The following MACROH2A1 variants were observed in gnomAD, a reference collection of about 807,000 sequenced individuals.
The protein encoded by MACROH2A1 is macroH2A.1 histone.
In MACROH2A1, 2 loss-of-function variants were observed where a neutral mutation model predicts 31.6. The ratio of observed to expected loss-of-function variants is 0.06; its 90% CI spans 0.03 to 0.20. The LOEUF is 0.20. Ranked by LOEUF, MACROH2A1 falls within the 10% of genes least tolerant of loss-of-function variation. The pLI, the probability that MACROH2A1 is intolerant of heterozygous loss-of-function variation, is 1.00. For synonymous variants in MACROH2A1, 169 were observed against 189.6 expected (o/e 0.89, Z 0.89); for missense variants, 230 against 474.0 (o/e 0.49, Z 4.78).
At chr5:135,353,091 G>C in intron 5 of MACROH2A1, 46 bp from the exon 6 acceptor site, 1 of 1,238,262 alleles carries the variant, frequency 8.1e-7, no homozygotes. Context: ...GAGCTGGGAA[G>C]TCTCAGAGAA....
chr5:135,360,710 A>C (rs1374120442), intron 4 of MACROH2A1, 103 bp from the exon 5 acceptor site: 2 of 808,236 alleles, frequency 2.5e-6, no homozygotes, highest in Admixed American at 3.8e-5. Flanking sequence ...GGGAAACAGG[A>C]AACTAAACCA....
rs370187734 is a variant in MACROH2A1, at chr5:135,388,956, G to A, written c.138C>T (p.Pro46=). Residue 46 remains proline, a synonymous_variant, in exon 2 of 9, where the codon CCC becomes CCT. Coordinates refer to ENST00000511689, the MANE Select transcript of MACROH2A1 (RefSeq NM_138610.3). ...HPKYRIGVGA[P]VYMAAVLEYL... is the part of the protein sequence containing the mutation. ...ATTCCAGGACGGCGGCCATGTACAC[G>A]GGTGCCCCCACTCCAATCCTGTACT... The A allele has an allele frequency of 3.2e-4, 523 of 1,611,800 alleles. No homozygotes were observed. The highest frequency in any genetic ancestry group is 4.2e-4 in the Non-Finnish European group (491 of 1,178,314).
chr5:135,364,582 T>C (rs1002375228), intron 4 of MACROH2A1, among the ~76,000 whole-genome samples: 1 of 152,186 alleles, frequency 6.6e-6, no homozygotes, highest in African/African-American at 2.4e-5. Flanking sequence ...TAAATTTCCA[T>C]GTATTGGACA....
intron 2 of MACROH2A1, among the ~76,000 whole-genome samples, chr5:135,382,558 G>A (rs894028111): frequency 6.6e-6 from 1 of 151,854 alleles, no homozygotes; most frequent in East Asian, 1.9e-4. Flanking sequence ...GATAACATAG[G>A]AGAAAATCTA....
chr5:135,383,452 A>G (rs2149923861), intron 2 of MACROH2A1, among the ~76,000 whole-genome samples: 1 of 152,260 alleles, frequency 6.6e-6, no homozygotes, highest in African/African-American at 2.4e-5. Context: ...TAGTTTCTCA[A>G]TTTTCAAACA....
intron 4 of MACROH2A1, chr5:135,361,067 C>T (rs1029333519): frequency 4.2e-5 from 12 of 283,882 alleles, no homozygotes; most frequent in South Asian, 6.4e-5. Context: ...AGGTCAGACT[C>T]GCTTCCACCC....
chr5:135,372,386 T>C (rs1764279463), intron 2 of MACROH2A1, among the ~76,000 whole-genome samples: 1 of 152,184 alleles, frequency 6.6e-6, no homozygotes, highest in Admixed American at 6.5e-5. Context: ...CACCCATCAG[T>C]CTCCACAACG....
chr5:135,376,562 G>A (rs529535183), intron 2 of MACROH2A1, among the ~76,000 whole-genome samples: 3 of 152,266 alleles, frequency 2.0e-5, no homozygotes, highest in African/African-American at 4.8e-5. Flanking sequence ...TCAGCTGCCC[G>A]CTCTGTCTGC....
At chr5:135,363,364 CCAACGGGACAACAGGG>C (rs1187303474) in intron 4 of MACROH2A1, among the ~76,000 whole-genome samples, 15 of 152,292 alleles carry the variant, frequency 9.8e-5, no homozygotes, top group African/African-American at 3.6e-4. Context: ...AGGTACCCAC[CCAACGGGACAACAGGG>C]CAGGTGCTTA....
intron 8 of MACROH2A1, among the ~76,000 whole-genome samples, chr5:135,335,562 G>A (rs964163421): frequency 1.2e-4 from 19 of 152,126 alleles, no homozygotes; most frequent in Non-Finnish European, 2.5e-4. Flanking sequence ...GGAAGGCACT[G>A]ACCTCTATCC....
chr5:135,337,998 G>A, intron 8 of MACROH2A1: 1 of 1,199,072 alleles, frequency 8.3e-7, no homozygotes, highest in Non-Finnish European at 1.1e-6. Flanking sequence ...CAGGCTGCCA[G>A]GAAGGAATGG....
At chr5:135,339,478 C>T (rs1759403853) in intron 8 of MACROH2A1, among the ~76,000 whole-genome samples, 1 of 152,172 alleles carries the variant, frequency 6.6e-6, no homozygotes, top group African/African-American at 2.4e-5. Flanking sequence ...GCTAGGAGCT[C>T]ATTAGGGACC....
chr5:135,353,153 A>G (rs1761780451), intron 5 of MACROH2A1, 108 bp from the exon 6 acceptor site: 1 of 721,644 alleles, frequency 1.4e-6, no homozygotes, highest in East Asian at 2.6e-5. Context: ...TGCACGAGGC[A>G]CAAAAGGGAA....
intron 2 of MACROH2A1, among the ~76,000 whole-genome samples, chr5:135,373,718 C>T (rs1764490191): frequency 6.6e-6 from 1 of 152,146 alleles, no homozygotes; most frequent in Non-Finnish European, 1.5e-5. Flanking sequence ...ATCCAAGACT[C>T]TTCCTTTTTG....
chr5:135,369,973 T>G lies in MACROH2A1; in HGVS notation c.279+63A>C. The G allele has an allele frequency of 9.3e-7, 1 of 1,069,588 alleles. No homozygotes were observed. The highest frequency in any genetic ancestry group is 1.4e-6 in the Non-Finnish European group (1 of 700,784). 66.3% of individuals were successfully genotyped at this position (1,069,588 alleles called of 1,614,324 possible). The stretch of plus-strand genomic sequence containing the variant: ...CCAGCCAACACCAAAGCCTCTCAGC[T>G]ATGTTTCTTGGGCAGTATGACCACC... On this transcript the variant is annotated intron_variant, in intron 3 of 8. Coordinates refer to ENST00000511689, the MANE Select transcript of MACROH2A1 (RefSeq NM_138610.3). This position sits in a 1 kb window ranked among gnomAD's most constrained non-coding sequence, Gnocchi z 4.3.
intron 6 of MACROH2A1, among the ~76,000 whole-genome samples, chr5:135,349,179 A>G (rs1251507383): frequency 6.6e-6 from 1 of 152,186 alleles, no homozygotes; most frequent in Non-Finnish European, 1.5e-5. Context: ...TTTTGCCTGG[A>G]AAGTTTCATA....
chr5:135,352,891 G>C, intron 6 of MACROH2A1, 55 bp downstream of exon 6: 1 of 946,118 alleles, frequency 1.1e-6, no homozygotes, highest in Non-Finnish European at 1.8e-6. Context: ...CTAAATTCTG[G>C]GTTCCATAAC....
In MACROH2A1 at chr5:135,383,635, C is replaced by CT. The variant is rs1765951579; in HGVS notation, c.172+5286dup. Among the ~76,000 whole-genome samples, 4 of 151,126 alleles carry CT rather than the reference C, an allele frequency of 2.6e-5. No homozygotes were observed. The South Asian group carries it at 8.4e-4, about 32-fold the overall frequency. On this transcript the variant is annotated intron_variant, in intron 2 of 8. Coordinates refer to ENST00000511689, the MANE Select transcript of MACROH2A1 (RefSeq NM_138610.3). Reference sequence around the variant, plus strand: ...TTAATTTAAGAATTCAGATAAAATTCTTTAAGAATTCTTTAAGAATTAAGA... The same window carrying CT: ...TTAATTTAAGAATTCAGATAAAATTCTTTTAAGAATTCTTTAAGAATTAAGA...
chr5:135,373,308 GTGTGGTTGGGCCCC>G lies in MACROH2A1; in HGVS notation c.173-3180_173-3167del, dbSNP rs1192938603. Among the ~76,000 whole-genome samples the G allele has an allele frequency of 1.4e-4, 21 of 152,262 alleles. No individual in the cohort carries two copies. The East Asian group carries it at 3.9e-3, about 28-fold the overall frequency. On this transcript the variant is annotated intron_variant, in intron 2 of 8. Coordinates refer to ENST00000511689, the MANE Select transcript of MACROH2A1 (RefSeq NM_138610.3). ...AATGATGGATAAAAAGACCTGAAGA[GTGTGGTTGGGCCCC>G]TGACTTGGGTGAGGGCAGGTAGTAT... is the stretch of plus-strand genomic sequence containing the variant.
Sources: allele counts gnomAD v4.1 joint callset (sites outside exome capture counted in the v4.1 genomes callset), GRCh38; gene constraint gnomAD v4.1.1; non-coding constraint Gnocchi (gnomAD v3.1); transcripts MANE v1.5; gene names NCBI Gene and HGNC (gene_info 2026-07-23, HGNC 2026-07-21).